SLC44A1: variants seen among roughly 807,000 people sequenced by gnomAD.
SLC44A1 encodes choline transporter-like protein 1.
SLC44A1 carries 26 observed loss-of-function variants against 79.3 expected under a neutral mutation model. The observed-to-expected ratio is 0.33, with a 90% CI of 0.24 to 0.46. SLC44A1 has a LOEUF of 0.46. Ranked by LOEUF, SLC44A1 falls within the 20% of genes least tolerant of loss-of-function variation. The pLI, the probability that SLC44A1 is intolerant of heterozygous loss-of-function variation, is 1.00. For missense variants in SLC44A1, 688 were observed against 798.1 expected (o/e 0.86, Z 1.66); for synonymous variants, 263 against 286.2 (o/e 0.92, Z 0.82).
In SLC44A1 at chr9:105,318,308, G is replaced by A. The variant is rs148351132; in HGVS notation, c.269+8442G>A. Among the ~76,000 whole-genome samples the A allele has an allele frequency of 6.4e-4, 97 of 152,214 alleles. 1 individual carries two copies. The East Asian group carries it at 0.01, about 16-fold the overall frequency. On this transcript the variant is annotated intron_variant, in intron 3 of 15. Transcript: ENST00000374720. The stretch of plus-strand genomic sequence containing the variant: ...AGATTCTCCTGCCTTAGCCTCCCAA[G>A]TAGCTGGGATCACAAGCACCTGCCA...
chr9:105,375,636 A>G (rs1828255509), intron 13 of SLC44A1, among the ~76,000 whole-genome samples: 1 of 152,206 alleles, frequency 6.6e-6, no homozygotes, highest in Non-Finnish European at 1.5e-5. Flanking sequence ...AGTTGTCATC[A>G]TTATTATTAC....
At chr9:105,362,065 C>T (rs561490166) in intron 8 of SLC44A1, among the ~76,000 whole-genome samples, 138 of 151,842 alleles carry the variant, frequency 9.1e-4, no homozygotes, top group East Asian at 2.5e-3. Context: ...TGTGTGTGCG[C>T]GCGCGCGCGT....
intron 2 of SLC44A1, among the ~76,000 whole-genome samples, chr9:105,302,674 T>TAA (rs57862025): frequency 1.1e-4 from 15 of 132,452 alleles, no homozygotes; most frequent in South Asian, 2.5e-4. Flanking sequence ...GGATCTTTTC[T>TAA]AAAAAAAAAA....
downstream of SLC44A1, among the ~76,000 whole-genome samples, chr9:105,399,728 G>C (rs1828931887): frequency 3.3e-5 from 1 of 30,474 alleles, no homozygotes; most frequent in South Asian, 2.0e-3. Flanking sequence ...TAATACATTG[G>C]ATTAATGTTT....
intron 15 of SLC44A1, among the ~76,000 whole-genome samples, chr9:105,419,945 A>G (rs1010842024): frequency 2.0e-5 from 3 of 151,316 alleles, no homozygotes; most frequent in Admixed American, 6.6e-5. Flanking sequence ...AAAGAAGGCA[A>G]TATGTTTCCA....
chr9:105,343,763 C>CCCCA (rs1240193445), intron 4 of SLC44A1, among the ~76,000 whole-genome samples: 3 of 152,280 alleles, frequency 2.0e-5, no homozygotes, highest in Non-Finnish European at 4.4e-5. Context: ...AAAGTACAGT[C>CCCCA]CCCACATTTA....
At chr9:105,370,847 C>A (rs1340155693) in intron 12 of SLC44A1, among the ~76,000 whole-genome samples, 1 of 152,018 alleles carries the variant, frequency 6.6e-6, no homozygotes, top group Non-Finnish European at 1.5e-5. Flanking sequence ...TAAGCTAGTA[C>A]CTAGTTGATT....
chr9:105,417,638 C>T (rs1303984994), intron 15 of SLC44A1, among the ~76,000 whole-genome samples: 1 of 152,088 alleles, frequency 6.6e-6, no homozygotes, highest in Non-Finnish European at 1.5e-5. Context: ...CAACACACAG[C>T]AGATTCTTAA....
intron 1 of SLC44A1, among the ~76,000 whole-genome samples, chr9:105,287,516 T>C (rs1309716523): frequency 6.6e-6 from 1 of 152,230 alleles, no homozygotes; most frequent in Non-Finnish European, 1.5e-5. Context: ...TGAATATTTG[T>C]GGGAACTCAC....
chr9:105,281,395 T>C (rs897407273), intron 1 of SLC44A1, among the ~76,000 whole-genome samples: 1 of 152,212 alleles, frequency 6.6e-6, no homozygotes, highest in African/African-American at 2.4e-5. Flanking sequence ...TTTTACTATC[T>C]TTTTGATATT....
chr9:105,365,623 G>C lies in SLC44A1; in HGVS notation c.1394G>C (p.Ser465Thr), dbSNP rs1827917501. 5 of 1,613,674 alleles carry C rather than the reference G, an allele frequency of 3.1e-6. No individual in the cohort carries two copies. The highest frequency in any genetic ancestry group is 3.4e-6 in the Non-Finnish European group (4 of 1,179,724). The change falls in exon 11 of 16, where the codon AGT becomes ACT. Residue 465 changes from serine to threonine, a missense_variant. Coordinates refer to ENST00000374720, the MANE Select transcript of SLC44A1 (RefSeq NM_080546.5). The part of the protein sequence containing the change: ...IPRMILMYIH[S>T]QLKGKENACA... The stretch of plus-strand genomic sequence containing the variant: ...CGAATGATCCTTATGTATATTCACA[G>C]TCAGCTCAAAGGAAAGGTAAGGGGA...
chr9:105,400,524 A>G (rs914394215), downstream of SLC44A1, among the ~76,000 whole-genome samples: 6 of 151,766 alleles, frequency 4.0e-5, no homozygotes, highest in African/African-American at 7.3e-5. Context: ...GTTTTAAACT[A>G]CAACATGTCA....
intron 15 of SLC44A1, among the ~76,000 whole-genome samples, chr9:105,428,904 C>A (rs1829356631): frequency 6.6e-6 from 1 of 152,314 alleles, no homozygotes; most frequent in Middle Eastern, 3.4e-3. Context: ...CAGGGTTTCA[C>A]CATGTTGGCC....
chr9:105,424,948 C>CAAAAAAAAAA (rs200345209), intron 15 of SLC44A1, among the ~76,000 whole-genome samples: 5 of 96,154 alleles, frequency 5.2e-5, no homozygotes, highest in African/African-American at 1.9e-4. Flanking sequence ...GACTCCATCT[C>CAAAAAAAAAA]AAAAAAAAAA....
chr9:105,427,792 T>C (rs937036483), intron 15 of SLC44A1, among the ~76,000 whole-genome samples: 2 of 152,250 alleles, frequency 1.3e-5, no homozygotes, highest in East Asian at 3.8e-4. Context: ...TCCTTTGTAC[T>C]AAAGTCTATG....
At chr9:105,338,822 T>C (rs1192595321) in intron 4 of SLC44A1, among the ~76,000 whole-genome samples, 1 of 152,194 alleles carries the variant, frequency 6.6e-6, no homozygotes, top group East Asian at 1.9e-4. Context: ...TGTTAGAAAA[T>C]ACACAGACCC....
intron 2 of SLC44A1, among the ~76,000 whole-genome samples, chr9:105,306,683 C>A (rs755242960): frequency 1.3e-4 from 19 of 151,120 alleles, no homozygotes; most frequent in Non-Finnish European, 2.7e-4. Context: ...ACAATTTATA[C>A]CCCTGCCTAC....
intron 1 of SLC44A1, among the ~76,000 whole-genome samples, chr9:105,252,966 G>A (rs976031652): frequency 6.6e-6 from 1 of 152,156 alleles, no homozygotes; most frequent in African/African-American, 2.4e-5. Context: ...CTCAATAGAG[G>A]GATGCCAGTT....
At chr9:105,274,164 A>G (rs1830143200) in intron 1 of SLC44A1, among the ~76,000 whole-genome samples, 1 of 152,206 alleles carries the variant, frequency 6.6e-6, no homozygotes, top group African/African-American at 2.4e-5. Context: ...TTCATTCACT[A>G]GATAAACCAC....
Sources: allele counts gnomAD v4.1 joint callset (sites outside exome capture counted in the v4.1 genomes callset), GRCh38; gene constraint gnomAD v4.1.1; transcripts MANE v1.5; gene names NCBI Gene and HGNC (gene_info 2026-07-23, HGNC 2026-07-21).